The following GCN1 variants were observed in gnomAD, a reference collection of about 807,000 sequenced individuals.
GCN1 encodes stalled ribosome sensor GCN1.
In GCN1, 90 loss-of-function variants were observed where a neutral mutation model predicts 288.4. The observed-to-expected ratio is 0.31, with a 90% confidence interval of 0.26 to 0.37. GCN1 has a LOEUF of 0.37. Among genes scored for constraint, GCN1 ranks in the 10% least tolerant of loss-of-function variants. The pLI is 1.00. For missense variants in GCN1, 2,586 were observed against 3,419.9 expected, an observed-to-expected ratio of 0.76 and a Z score of 6.08; for synonymous variants, 1,386 against 1,420.2, an observed-to-expected ratio of 0.98 and a Z score of 0.54.
At chr12:120,152,126 C>T (rs1020596292) in intron 33 of GCN1, among the ~76,000 whole-genome samples, 3 of 152,038 alleles carry the variant, frequency 2.0e-5, no homozygotes, top group Admixed American at 1.3e-4. Context: ...AATTCCTGGA[C>T]TCAAGCAATC....
intron 11 of GCN1, 27 bp downstream of exon 11, chr12:120,175,718 AC>A: frequency 6.3e-7 from 1 of 1,599,796 alleles, no homozygotes; most frequent in African/African-American, 1.3e-5. Flanking sequence ...CGCCTCAACC[AC>A]CCGCATGGCC....
At position 120,158,511 on chromosome 12, in the gene GCN1, T is replaced by C. The variant is rs770787251; in HGVS notation, c.2854A>G (p.Met952Val). Residue 952 changes from methionine to valine, a missense_variant, in exon 25 of 58, where the codon ATG becomes GTG. Physicochemically the swap from Met to Val is conservative, Grantham distance 21 (BLOSUM62 1). Coordinates refer to ENST00000300648, the MANE Select transcript of GCN1 (RefSeq NM_006836.2). The surrounding 1 kb of genome is among the most constrained non-coding windows in gnomAD (Gnocchi z 4.3). ...GTGATGGTGTGGGTGTGCAGCAGCA[T>C]CACCGCCCTCTTCACAGCCACCGAC... Reference protein sequence around the residue: ...ELSVAVKRAVMLLHTHTITSR... With the variant: ...ELSVAVKRAVVLLHTHTITSR... The C allele has an allele frequency of 2.5e-6, 4 of 1,572,548 alleles. No homozygotes were observed. The highest frequency in any genetic ancestry group is 2.6e-6 in the Non-Finnish European group (3 of 1,158,268).
Position 120,158,175 on chromosome 12 carries a change from G to T in GCN1, c.2906-145C>A. The T allele has an allele frequency of 1.3e-6, 1 of 758,668 alleles. No individual in the cohort carries two copies. The highest frequency in any genetic ancestry group is 2.1e-6 in the Non-Finnish European group (1 of 474,072). 47.0% of individuals were successfully genotyped at this position (758,668 alleles called of 1,614,324 possible). ...TGGAAGCACATGGCACGAGGACAGAGACAGCAGCTGGTAGTCCAGTTCTAA... is the reference window on the plus strand; with the variant it reads ...TGGAAGCACATGGCACGAGGACAGATACAGCAGCTGGTAGTCCAGTTCTAA... On this transcript the variant is annotated intron_variant, in intron 25 of 57. Transcript: ENST00000300648. This position sits in a 1 kb window ranked among gnomAD's most constrained non-coding sequence, Gnocchi z 4.3.
At chr12:120,130,805 G>A (rs1876793375) in intron 55 of GCN1, 52 bp from the exon 56 acceptor site, 1 of 1,207,056 alleles carries the variant, frequency 8.3e-7, no homozygotes, top group Non-Finnish European at 1.2e-6. Context: ...CTTCCCCAGA[G>A]CCAGGAAAAC....
At chr12:120,135,108 T>C (rs1566297698) in intron 51 of GCN1, among the ~76,000 whole-genome samples, 1 of 152,154 alleles carries the variant, frequency 6.6e-6, no homozygotes, top group African/African-American at 2.4e-5. Context: ...GAAGCACAGT[T>C]CTAATGCCAA....
chr12:120,161,489 C>T lies in GCN1; in HGVS notation c.2436+1G>A, dbSNP rs1202084971. On this transcript the variant is annotated splice_donor_variant, in intron 22 of 57. Coordinates refer to ENST00000300648, the MANE Select transcript of GCN1 (RefSeq NM_006836.2). LOFTEE classifies it high-confidence loss of function. ...TTCCGTAAGTGCCTCCGTGTACTCA[C>T]CTCCTTCAGCTCCAGCTCGATGATC... 6.2e-7 allele frequency: 1 copy of T among 1,606,822 alleles called. No homozygotes were observed. Among genetic ancestry groups the T allele is most frequent in the Non-Finnish European group, 8.5e-7 (1 of 1,173,398 alleles).
At chr12:120,165,860 C>T (rs555176618) in intron 16 of GCN1, among the ~76,000 whole-genome samples, 1 of 150,996 alleles carries the variant, frequency 6.6e-6, no homozygotes, top group South Asian at 2.1e-4. Context: ...GGTGCAATCT[C>T]GGCTTACTGC....
intron 36 of GCN1, among the ~76,000 whole-genome samples, chr12:120,148,692 TTGTTTCAAACTA>T (rs1877438291): frequency 6.6e-6 from 1 of 152,218 alleles, no homozygotes; most frequent in East Asian, 1.9e-4. Context: ...TAGATTTGTG[TTGTTTCAAACTA>T]CAGGGTGAAG....
intron 56 of GCN1, among the ~76,000 whole-genome samples, chr12:120,129,838 T>C (rs867439324): frequency 6.6e-6 from 1 of 152,162 alleles, no homozygotes; most frequent in Non-Finnish European, 1.5e-5. Context: ...ATGTCATCCT[T>C]TAGAGGTGCC....
Position 120,155,557 on chromosome 12 carries a change from T to A in GCN1, c.3440+35A>T. On this transcript the variant is annotated intron_variant, in intron 29 of 57. Transcript: ENST00000300648. This position sits in a 1 kb window ranked among gnomAD's most constrained non-coding sequence, Gnocchi z 4.9. Reference sequence around the variant, plus strand: ...AGTTATTTCCTAAAGGAAGAGAGGATGCAGCAGGAGAAAGCGACATGCTGG... The same window carrying A: ...AGTTATTTCCTAAAGGAAGAGAGGAAGCAGCAGGAGAAAGCGACATGCTGG... The A allele has an allele frequency of 6.2e-7, 1 of 1,613,184 alleles. No individual in the cohort carries two copies. The highest frequency in any genetic ancestry group is 8.5e-7 in the Non-Finnish European group (1 of 1,179,218).
At chr12:120,181,726 C>A (rs894585452) in intron 5 of GCN1, among the ~76,000 whole-genome samples, 2 of 151,448 alleles carry the variant, frequency 1.3e-5, no homozygotes, top group Non-Finnish European at 2.9e-5. Flanking sequence ...GTAATCCCAG[C>A]CACTTGGGAG....
intron 9 of GCN1, 151 bp downstream of exon 9, chr12:120,177,296 C>T: frequency 1.7e-6 from 1 of 584,378 alleles, no homozygotes; most frequent in South Asian, 2.1e-5. Context: ...CAAAAGGTCC[C>T]CAATCTCTCT....
chr12:120,153,169 A>G lies in GCN1; in HGVS notation c.4062+44T>C. The G allele has an allele frequency of 6.4e-7, 1 of 1,567,188 alleles. No homozygotes were observed. The highest frequency in any genetic ancestry group is 1.1e-5 in the South Asian group (1 of 89,636). On this transcript the variant is annotated intron_variant, in intron 33 of 57. Transcript: ENST00000300648. This position sits in a 1 kb window ranked among gnomAD's most constrained non-coding sequence, Gnocchi z 4.4. ...CACCGCCTAACCACAGCCGGGTCCC[A>G]ATTCTCTAACCGACATGTGGGTCCC...
intron 15 of GCN1, among the ~76,000 whole-genome samples, chr12:120,169,710 G>A (rs184777555): frequency 9.4e-4 from 143 of 152,270 alleles, no homozygotes; most frequent in Non-Finnish European, 1.7e-3. Flanking sequence ...CACCATGTTG[G>A]CCAGAATGGT....
chr12:120,138,603 G>A (rs1325035450), intron 46 of GCN1, 92 bp downstream of exon 46: 28 of 1,350,928 alleles, frequency 2.1e-5, no homozygotes, highest in Admixed American at 3.5e-5. Context: ...CCCACATTGC[G>A]ACTGCCTTGG....
At chr12:120,150,838 A>G (rs199966927) in intron 34 of GCN1, among the ~76,000 whole-genome samples, 17 of 151,690 alleles carry the variant, frequency 1.1e-4, no homozygotes, top group African/African-American at 3.1e-4. Flanking sequence ...TTGGGAGGCT[A>G]AGGCAGGAGA....
Position 120,175,873 on chromosome 12 carries a change from A to T in GCN1, c.915T>A (p.Gly305=), listed in dbSNP as rs761169205. 2 of 1,603,740 alleles carry T rather than the reference A, an allele frequency of 1.2e-6. No individual in the cohort carries two copies. The highest frequency in any genetic ancestry group is 1.7e-6 in the Non-Finnish European group (2 of 1,176,940). ...YAMDIVKGLA[G]HLKSNSPRLM... is the part of the protein sequence containing the mutation. Reference sequence around the variant, plus strand: ...GGCGGGGACTGTTGGATTTCAGGTGACCTGCACACACAAAGCCACTGCTCA... The same window carrying T: ...GGCGGGGACTGTTGGATTTCAGGTGTCCTGCACACACAAAGCCACTGCTCA... The change falls in exon 11 of 58, where the codon GGT becomes GGA. Residue 305 remains glycine, a splice_region_variant and synonymous_variant. Coordinates refer to ENST00000300648, the MANE Select transcript of GCN1 (RefSeq NM_006836.2).
rs117491083 is a variant in GCN1, at chr12:120,140,525, C to T, written c.5994+334G>A. Among the ~76,000 whole-genome samples, 42 of 152,292 alleles carry T rather than the reference C, an allele frequency of 2.8e-4. No individual in the cohort carries two copies. The East Asian group carries it at 6.0e-3, about 22-fold the overall frequency. On this transcript the variant is annotated intron_variant, in intron 45 of 57. Transcript: ENST00000300648. ...CCATCCCCTTTCCCAGAAGGAGGTG[C>T]ACACATTTTAACTGGACTTATATAG...
chr12:120,183,331 T>C (rs117469788), intron 5 of GCN1, among the ~76,000 whole-genome samples: 202 of 152,318 alleles, frequency 1.3e-3, no homozygotes, highest in Middle Eastern at 3.4e-3. Context: ...TGTGCATCAC[T>C]GCATTTCTAG....
Sources: allele counts gnomAD v4.1 joint callset (sites outside exome capture counted in the v4.1 genomes callset), GRCh38; gene constraint gnomAD v4.1.1; non-coding constraint Gnocchi (gnomAD v3.1); transcripts MANE v1.5; gene names NCBI Gene and HGNC (gene_info 2026-07-23, HGNC 2026-07-21).